Variants in ANK1 observed in about 807,000 individuals in gnomAD.
ANK1 encodes the protein ankyrin 1.
In ANK1, 51 loss-of-function variants were observed where a neutral mutation model predicts 210.4. The ratio of observed to expected loss-of-function variants is 0.24; its 90% CI spans 0.19 to 0.31. The LOEUF (loss-of-function observed/expected upper bound fraction) is 0.31. Ranked by LOEUF, ANK1 falls within the 10% of genes least tolerant of loss-of-function variation. The probability of loss-of-function intolerance (pLI) is 1.00; values close to 1 mark genes in which losing one functional copy is unlikely to be tolerated. For synonymous variants in ANK1, 967 were observed against 1,025.9 expected, an observed-to-expected ratio of 0.94 and a Z score of 1.10; for missense variants, 2,051 against 2,504.4, an observed-to-expected ratio of 0.82 and a Z score of 3.86.
chr8:41,725,395 C>G (rs1830421661), intron 6 of ANK1, among the ~76,000 whole-genome samples: 2 of 152,238 alleles, frequency 1.3e-5, no homozygotes, highest in African/African-American at 4.8e-5. Flanking sequence ...CTCCACACCC[C>G]AGCCCCTGCA....
intron 9 of ANK1, 26 bp from the exon 10 acceptor site, chr8:41,719,884 A>C: frequency 6.2e-7 from 1 of 1,612,826 alleles, no homozygotes; most frequent in East Asian, 2.2e-5. Flanking sequence ...AACACAAGCA[A>C]TCACAAAGTC....
At chr8:41,756,248 C>T (rs925843218) in intron 2 of ANK1, among the ~76,000 whole-genome samples, 2 of 151,752 alleles carry the variant, frequency 1.3e-5, no homozygotes, top group Admixed American at 6.6e-5. Flanking sequence ...TGGGTTCTAG[C>T]GATTCTTCTG....
chr8:41,674,763 G>A lies in ANK1; in HGVS notation c.4538-1851C>T, dbSNP rs776012294. Among the ~76,000 whole-genome samples the A allele has an allele frequency of 9.2e-5, 14 of 152,326 alleles. 1 individual carries two copies. The highest frequency in any genetic ancestry group is 1.8e-4 in the Non-Finnish European group (12 of 68,036). On this transcript the variant is annotated intron_variant, in intron 37 of 42. Transcript: ENST00000289734. ...CCAAATGAGCGGGGAGGATGAGCCC[G>A]TGAAGGTGGGGTGGTTGGGAGAAGG...
At chr8:41,673,005 T>C (rs2150563758) in intron 37 of ANK1, 93 bp from the exon 38 acceptor site, 1 of 1,324,582 alleles carries the variant, frequency 7.5e-7, no homozygotes, top group African/African-American at 1.5e-5. Flanking sequence ...AACACACACA[T>C]GCGGGTGCGG....
At chr8:41,812,664 T>C (rs926948519) in intron 1 of ANK1, among the ~76,000 whole-genome samples, 2 of 152,114 alleles carry the variant, frequency 1.3e-5, no homozygotes, top group South Asian at 2.1e-4. Context: ...AGAATAGCGG[T>C]CCCCAAGCTT....
intron 2 of ANK1, among the ~76,000 whole-genome samples, chr8:41,735,810 C>T (rs1440881305): frequency 6.6e-6 from 1 of 152,158 alleles, no homozygotes; most frequent in Non-Finnish European, 1.5e-5. Flanking sequence ...ATGTGGGGAC[C>T]TTGGATGCAG....
At chr8:41,765,845 C>T (rs540260756) in intron 1 of ANK1, among the ~76,000 whole-genome samples, 62 of 152,174 alleles carry the variant, frequency 4.1e-4, no homozygotes, top group Admixed American at 1.3e-3. Context: ...GCCGGAAGCA[C>T]GCTGCAGAAT....
intron 1 of ANK1, among the ~76,000 whole-genome samples, chr8:41,895,286 C>T (rs973957441): frequency 6.6e-6 from 1 of 152,170 alleles, no homozygotes; most frequent in Non-Finnish European, 1.5e-5. Context: ...GCAGGCTGGG[C>T]CCCACATCGA....
At chr8:41,733,530 A>C (rs1427274710) in intron 3 of ANK1, among the ~76,000 whole-genome samples, 1 of 152,250 alleles carries the variant, frequency 6.6e-6, no homozygotes, top group Non-Finnish European at 1.5e-5. Flanking sequence ...CTTACTTTTC[A>C]TACCAACCCT....
At chr8:41,820,313 C>T (rs193251141) in intron 1 of ANK1, among the ~76,000 whole-genome samples, 51 of 151,156 alleles carry the variant, frequency 3.4e-4, no homozygotes, top group Non-Finnish European at 6.6e-4. Context: ...GTGTCCACCA[C>T]CACACCAAGC....
chr8:41,830,508 T>G (rs1199255731), intron 1 of ANK1, among the ~76,000 whole-genome samples: 3 of 152,074 alleles, frequency 2.0e-5, no homozygotes, highest in Admixed American at 6.6e-5. Flanking sequence ...AATGACAGCA[T>G]GAATAACAAT....
At chr8:41,782,490 T>A (rs1008322694) in intron 1 of ANK1, among the ~76,000 whole-genome samples, 5 of 152,162 alleles carry the variant, frequency 3.3e-5, no homozygotes, top group African/African-American at 1.2e-4. Flanking sequence ...CAAAATAAGA[T>A]CTTATTTCCC....
rs560154758 is a variant in ANK1 at position 41,815,473 on chromosome 8, A to G, written c.127-57336T>C. ...ATTTTAGTCAGTTTGACCCTATAGGATCCCTCTTGCTCTCTTTCTTCCCAA... is the reference window on the plus strand; with the variant it reads ...ATTTTAGTCAGTTTGACCCTATAGGGTCCCTCTTGCTCTCTTTCTTCCCAA... On this transcript the variant is annotated intron_variant, in intron 1 of 42. Coordinates refer to the ANK1 transcript ENST00000265709. Among the ~76,000 whole-genome samples the G allele has an allele frequency of 1.6e-4, 24 of 152,208 alleles. No individual in the cohort carries two copies. The Middle Eastern group carries it at 0.017, about 108-fold the overall frequency.
Position 41,653,630 on chromosome 8 carries a change from G to C in ANK1, c.*2160C>G, listed in dbSNP as rs1201742207. On this transcript the variant is annotated 3_prime_UTR_variant, in exon 43 of 43. Transcript: ENST00000289734. Reference sequence around the variant, plus strand: ...GGTGCAGGATCGAGGCGGGAGAGGCGAGCCCTGAGCCCAGCTTCCTTGGGC... The same window carrying C: ...GGTGCAGGATCGAGGCGGGAGAGGCCAGCCCTGAGCCCAGCTTCCTTGGGC... 1.3e-5 allele frequency: 2 copies of C among 152,600 alleles called. No individual in the cohort carries two copies. Among genetic ancestry groups the C allele is most frequent in the African/African-American group, 4.8e-5 (2 of 41,470 alleles). The allele number at this position is 152,600 out of a possible 1,614,324, so 9.5% of individuals were successfully genotyped here. A position where few individuals can be genotyped will look rare whatever the true frequency, so the allele number is the denominator to read the frequency against.
At chr8:41,728,034 G>A in intron 3 of ANK1, 28 bp from the exon 4 acceptor site, 2 of 1,611,188 alleles carry the variant, frequency 1.2e-6, no homozygotes, top group Non-Finnish European at 1.7e-6. Context: ...AGGGAACAGA[G>A]GCGGTTTCCC....
chr8:41,802,480 G>A (rs1461159871), upstream of ANK1, among the ~76,000 whole-genome samples: 6 of 152,162 alleles, frequency 3.9e-5, no homozygotes, highest in Non-Finnish European at 8.8e-5. Flanking sequence ...GTCTGTTGGA[G>A]AGGAGAACTC....
intron 2 of ANK1, among the ~76,000 whole-genome samples, chr8:41,756,979 A>G (rs534591335): frequency 6.6e-6 from 1 of 152,208 alleles, no homozygotes; most frequent in African/African-American, 2.4e-5. Flanking sequence ...TGAGGTCCCT[A>G]TAGTAGTAAA....
At chr8:41,857,935 T>C (rs1276449886) in intron 1 of ANK1, among the ~76,000 whole-genome samples, 1 of 145,174 alleles carries the variant, frequency 6.9e-6, no homozygotes, top group African/African-American at 2.7e-5. Flanking sequence ...TAAATAAATA[T>C]CCACCAAGGG....
chr8:41,730,428 C>T (rs996058865), intron 3 of ANK1, among the ~76,000 whole-genome samples: 2 of 151,982 alleles, frequency 1.3e-5, no homozygotes, highest in East Asian at 1.9e-4. Flanking sequence ...AACAGTGAGA[C>T]CCAGTCTGTC....
Sources: gnomAD v4.1 joint callset for allele counts (sites outside exome capture counted in the v4.1 genomes callset) on GRCh38, gnomAD v4.1.1 for gene constraint, MANE v1.5 for transcripts, NCBI Gene and HGNC (gene_info 2026-07-23, HGNC 2026-07-21) for gene names.